The following DGKI variants were observed in gnomAD, a reference collection of about 807,000 sequenced individuals.
DGKI encodes diacylglycerol kinase iota.
Under a neutral mutation model 147.5 loss-of-function variants are expected in DGKI, and 55 were observed. The ratio of observed to expected loss-of-function variants is 0.37; its 90% CI spans 0.30 to 0.47. The LOEUF (loss-of-function observed/expected upper bound fraction) is 0.47. Ranked by LOEUF, DGKI falls within the 20% of genes least tolerant of loss-of-function variation. The pLI, the probability that DGKI is intolerant of heterozygous loss-of-function variation, is 1.00. For synonymous variants in DGKI, 469 were observed against 477.1 expected, an observed-to-expected ratio of 0.98 and a Z score of 0.22; for missense variants, 1,007 against 1,323.8, an observed-to-expected ratio of 0.76 and a Z score of 3.71.
rs541282016 is a variant in DGKI at position 137,750,838 on chromosome 7, T to A, written c.402-60836A>T. ...ATCTTTAAGGCAGTGCAAGACTTCA[T>A]GTTGATATTCTCCACATCCACAGAG... On this transcript the variant is annotated intron_variant, in intron 1 of 32. Coordinates refer to ENST00000614521, the MANE Select transcript of DGKI (RefSeq NM_001321708.2). Among the ~76,000 whole-genome samples, 7 of 152,316 alleles carry A rather than the reference T, an allele frequency of 4.6e-5. No individual in the cohort carries two copies. The South Asian group carries it at 1.5e-3, about 32-fold the overall frequency.
chr7:137,756,363 A>G (rs943985458), intron 1 of DGKI, among the ~76,000 whole-genome samples: 1 of 152,232 alleles, frequency 6.6e-6, no homozygotes, highest in Non-Finnish European at 1.5e-5. Flanking sequence ...ATTCATTTGT[A>G]AGCTACACTA....
intron 3 of DGKI, among the ~76,000 whole-genome samples, chr7:137,659,680 C>T (rs1169299478): frequency 6.6e-6 from 1 of 152,228 alleles, no homozygotes; most frequent in Admixed American, 6.5e-5. Flanking sequence ...TGCCTGTAAT[C>T]CCAGCACTCT....
chr7:137,788,564 T>C (rs1796744897), intron 1 of DGKI, among the ~76,000 whole-genome samples: 1 of 151,084 alleles, frequency 6.6e-6, no homozygotes, highest in Admixed American at 6.6e-5. Context: ...GGCCAAGGAC[T>C]CCTCGCCTGT....
At chr7:137,476,001 G>T (rs570231243) in intron 23 of DGKI, among the ~76,000 whole-genome samples, 1 of 152,260 alleles carries the variant, frequency 6.6e-6, no homozygotes, top group South Asian at 2.1e-4. Flanking sequence ...TCCTTTCAAA[G>T]TCTCAAATTT....
chr7:137,800,550 G>A (rs1385594183), intron 1 of DGKI, among the ~76,000 whole-genome samples: 1 of 152,174 alleles, frequency 6.6e-6, no homozygotes, highest in Non-Finnish European at 1.5e-5. Flanking sequence ...GCAGATGCCA[G>A]GGCTATGCTT....
intron 3 of DGKI, among the ~76,000 whole-genome samples, chr7:137,658,008 A>C (rs1181938412): frequency 6.6e-6 from 1 of 152,184 alleles, no homozygotes; most frequent in African/African-American, 2.4e-5. Flanking sequence ...CTGCTTGCAG[A>C]TGCTTTTATC....
At chr7:137,679,182 T>C (rs895742954) in intron 2 of DGKI, among the ~76,000 whole-genome samples, 2 of 152,354 alleles carry the variant, frequency 1.3e-5, no homozygotes, top group Middle Eastern at 3.4e-3. Flanking sequence ...TAAGTCCCTG[T>C]GTACTCAAAG....
intron 27 of DGKI, among the ~76,000 whole-genome samples, chr7:137,455,941 C>T (rs1814188067): frequency 6.6e-6 from 1 of 152,152 alleles, no homozygotes; most frequent in Non-Finnish European, 1.5e-5. Context: ...AAAATGATCA[C>T]TCTTTCACAC....
chr7:137,443,717 A>T (rs1452704932), intron 28 of DGKI, among the ~76,000 whole-genome samples: 1 of 152,184 alleles, frequency 6.6e-6, no homozygotes, highest in Non-Finnish European at 1.5e-5. Flanking sequence ...TATCTACCAC[A>T]AACTACCACA....
intron 21 of DGKI, among the ~76,000 whole-genome samples, chr7:137,513,041 A>C (rs1004169372): frequency 9.9e-5 from 15 of 152,122 alleles, no homozygotes; most frequent in Non-Finnish European, 1.6e-4. Context: ...ATTCTGCCGA[A>C]CCCTGTCACT....
intron 28 of DGKI, among the ~76,000 whole-genome samples, chr7:137,429,501 T>C (rs935849460): frequency 4.0e-5 from 6 of 149,832 alleles, no homozygotes; most frequent in Non-Finnish European, 7.5e-5. Context: ...GGGCAAGGAC[T>C]TCATGTCTAA....
intron 1 of DGKI, among the ~76,000 whole-genome samples, chr7:137,703,740 C>A (rs938349226): frequency 5.3e-5 from 8 of 152,130 alleles, no homozygotes; most frequent in Non-Finnish European, 1.2e-4. Context: ...GCAACATAAA[C>A]AAACACTGGA....
chr7:137,484,136 G>T (rs931593210), intron 23 of DGKI, among the ~76,000 whole-genome samples: 2 of 152,046 alleles, frequency 1.3e-5, no homozygotes, highest in African/African-American at 4.8e-5. Context: ...TGTGGGATAC[G>T]TTGTTTGAGA....
rs112822432 is a variant in DGKI at position 137,554,508 on chromosome 7, T to C, written c.1948-1940A>G. On this transcript the variant is annotated intron_variant, in intron 19 of 32. Coordinates refer to ENST00000614521, the MANE Select transcript of DGKI (RefSeq NM_001321708.2). ...GACAGTCCCTGACCTAATGCATTCA[T>C]TGCCATTTATTGACCCAAGACCATA... Among the ~76,000 whole-genome samples the C allele has an allele frequency of 9.2e-5, 14 of 152,302 alleles. 1 individual carries two copies. The highest frequency in any genetic ancestry group is 3.1e-4 in the African/African-American group (13 of 41,568).
chr7:137,544,527 T>C (rs1184573145), intron 20 of DGKI, among the ~76,000 whole-genome samples: 1 of 152,222 alleles, frequency 6.6e-6, no homozygotes, highest in African/African-American at 2.4e-5. Context: ...ATAAAGGTTT[T>C]TGAATAAATA....
At chr7:137,658,184 A>G (rs922282182) in intron 3 of DGKI, among the ~76,000 whole-genome samples, 7 of 152,190 alleles carry the variant, frequency 4.6e-5, no homozygotes, top group Admixed American at 1.3e-4. Context: ...AGAGAAAAAG[A>G]AGGAGGGGGA....
At chr7:137,540,156 A>G (rs759237425) in intron 20 of DGKI, among the ~76,000 whole-genome samples, 8 of 152,216 alleles carry the variant, frequency 5.3e-5, no homozygotes, top group Non-Finnish European at 1.2e-4. Context: ...AAATTCTAAC[A>G]AACATATAAA....
At chr7:137,655,589 C>T (rs973350608) in intron 4 of DGKI, among the ~76,000 whole-genome samples, 1 of 151,796 alleles carries the variant, frequency 6.6e-6, no homozygotes, top group Non-Finnish European at 1.5e-5. Flanking sequence ...GTTAGCTACT[C>T]GATAAAGTGA....
chr7:137,417,900 G>T (rs1212559331), intron 28 of DGKI, among the ~76,000 whole-genome samples: 1 of 152,184 alleles, frequency 6.6e-6, no homozygotes, highest in Non-Finnish European at 1.5e-5. Context: ...TAATTTGCTA[G>T]CACCTTGATC....
Sources: allele counts gnomAD v4.1 joint callset (sites outside exome capture counted in the v4.1 genomes callset), GRCh38; gene constraint gnomAD v4.1.1; transcripts MANE v1.5; gene names NCBI Gene and HGNC (gene_info 2026-07-23, HGNC 2026-07-21).